The following LTBP3 variants were observed in gnomAD, a reference collection of about 807,000 sequenced individuals.
The protein encoded by LTBP3 is latent-transforming growth factor beta-binding protein 3.
In LTBP3, 97 loss-of-function variants were observed where a neutral mutation model predicts 159.7. That is an observed-to-expected ratio of 0.61 (90% CI 0.52 to 0.72). The LOEUF is 0.72. LTBP3 is among the 30% of genes least tolerant of loss of function. LTBP3 has a pLI of 0.00. For synonymous variants in LTBP3, 824 were observed against 777.1 expected, an observed-to-expected ratio of 1.06 and a Z score of -1.00; for missense variants, 1,584 against 1,864.3, an observed-to-expected ratio of 0.85 and a Z score of 2.77.
At chr11:65,539,514 C>G (rs1187877387) in intron 26 of LTBP3, 34 bp downstream of exon 26, 4 of 1,604,724 alleles carry the variant, frequency 2.5e-6, no homozygotes, top group Non-Finnish European at 3.4e-6. Context: ...CAAAGGCTAC[C>G]AACCCCGCCA....
chr11:65,543,716 G>T, intron 16 of LTBP3, 167 bp from the exon 17 acceptor site: 1 of 848,538 alleles, frequency 1.2e-6, no homozygotes, highest in Non-Finnish European at 1.9e-6. Flanking sequence ...CTGACGACCA[G>T]GTCAGGTGCT....
chr11:65,547,032 C>A lies in LTBP3; in HGVS notation c.2108-112G>T, dbSNP rs1305560111. 9.4e-6 allele frequency: 14 copies of A among 1,487,056 alleles called. No individual in the cohort carries two copies. The highest frequency in any genetic ancestry group is 1.4e-5 in the African/African-American group (1 of 72,496). The allele number at this position is 1,487,056 out of a possible 1,614,324, so 92.1% of individuals were successfully genotyped here. On this transcript the variant is annotated intron_variant, in intron 14 of 27. Transcript: ENST00000301873. The surrounding 1 kb of genome is among the most constrained non-coding windows in gnomAD (Gnocchi z 4.6). ...ACACAGATCAACGAGGCTCCCGGAC[C>A]CCAACCTCTGAGAGGCCCAGAGCCG...
At position 65,548,195 on chromosome 11, in the gene LTBP3, A is replaced by G. The variant is rs1856463760; in HGVS notation, c.1721-150T>C. The G allele has an allele frequency of 8.5e-6, 10 of 1,170,266 alleles. No homozygotes were observed. The South Asian group carries it at 1.3e-4, about 15-fold the overall frequency. 72.5% of individuals were successfully genotyped at this position (1,170,266 alleles called of 1,614,324 possible). A position where few individuals can be genotyped will look rare whatever the true frequency, so the allele number is the denominator to read the frequency against. ...CCAGGATGTCCTATTTCTCTCTTTT[A>G]GATAACCCCAATATCAAGACCCCAG... On this transcript the variant is annotated intron_variant, in intron 11 of 27. Transcript: ENST00000301873.
At chr11:65,556,838 T>C (rs756662908) in intron 1 of LTBP3, among the ~76,000 whole-genome samples, 1 of 152,072 alleles carries the variant, frequency 6.6e-6, no homozygotes, top group Non-Finnish European at 1.5e-5. Flanking sequence ...TAATTACTGC[T>C]GGGACACCTC....
In LTBP3 at chr11:65,540,125, G is replaced by A; in HGVS notation, c.3273C>T (p.Ala1091=). 1 of 1,527,224 alleles carries A rather than the reference G, an allele frequency of 6.5e-7. No individual in the cohort carries two copies. The highest frequency in any genetic ancestry group is 8.8e-7 in the Non-Finnish European group (1 of 1,140,228). 94.6% of individuals were successfully genotyped at this position (1,527,224 alleles called of 1,614,324 possible). A position where few individuals can be genotyped will look rare whatever the true frequency, so the allele number is the denominator to read the frequency against. ...MDVDECQDPA[A]CRPGRCVNLP... Reference sequence around the variant, plus strand: ...GGTTGACGCAGCGGCCAGGGCGGCAGGCTGCCGGGTCCTGGCACTCGTCCA... The same window carrying A: ...GGTTGACGCAGCGGCCAGGGCGGCAAGCTGCCGGGTCCTGGCACTCGTCCA... The change falls in exon 24 of 28, where the codon GCC becomes GCT. Residue 1091 remains alanine, a synonymous_variant. Coordinates refer to ENST00000301873, the MANE Select transcript of LTBP3 (RefSeq NM_001130144.3).
In LTBP3 at chr11:65,548,008, G is replaced by T. The variant is rs1313039161; in HGVS notation, c.1758C>A (p.Gly586=). The change falls in exon 12 of 28, where the codon GGC becomes GGA. Residue 586 remains glycine, a synonymous_variant. Transcript: ENST00000301873. ...DECRLNQNIC[G]HGECVPGPPD... ...GGGGGCCCGGCACGCACTCTCCGTG[G>T]CCACAGATGTTCTGGTTCAGTCGGC... is the stretch of plus-strand genomic sequence containing the variant. The T allele has an allele frequency of 6.2e-7, 1 of 1,613,912 alleles. No homozygotes were observed. The highest frequency in any genetic ancestry group is 1.1e-5 in the South Asian group (1 of 91,080).
chr11:65,543,937 T>A, intron 16 of LTBP3: 1 of 326,406 alleles, frequency 3.1e-6, no homozygotes, highest in Non-Finnish European at 6.1e-6. Context: ...CGGGACACAC[T>A]TTCCTGAGGC....
rs921065694 is a variant in LTBP3, at chr11:65,538,787, G to A, written c.*293C>T. 6 of 814,262 alleles carry A rather than the reference G, an allele frequency of 7.4e-6. No homozygotes were observed. The East Asian group carries it at 1.2e-4, about 16-fold the overall frequency. 50.4% of individuals were successfully genotyped at this position (814,262 alleles called of 1,614,324 possible). On this transcript the variant is annotated 3_prime_UTR_variant, in exon 28 of 28. Coordinates refer to ENST00000301873, the MANE Select transcript of LTBP3 (RefSeq NM_001130144.3). The stretch of plus-strand genomic sequence containing the variant: ...TGCGCAGCCCGCGCCCACGTCAGAC[G>A]TGAACATCAATTTGCTTCGAAAGCC...
rs900042213 is a variant in LTBP3, at chr11:65,543,324, C to T, written c.2477-100G>A. 3 of 1,611,524 alleles carry T rather than the reference C, an allele frequency of 1.9e-6. No individual in the cohort carries two copies. The African/African-American group carries it at 4.0e-5, about 22-fold the overall frequency. ...CCCAGAGCCCTGGGTCAGTCCCACG[C>T]CCCTATGCCCCAACTGAGATCTGGA... On this transcript the variant is annotated intron_variant, in intron 17 of 27. Coordinates refer to ENST00000301873, the MANE Select transcript of LTBP3 (RefSeq NM_001130144.3).
chr11:65,553,871 C>A lies in LTBP3; in HGVS notation c.694G>T (p.Val232Phe). The A allele has an allele frequency of 6.4e-7, 1 of 1,556,904 alleles. No individual in the cohort carries two copies. Among genetic ancestry groups the A allele is most frequent in the Non-Finnish European group, 8.6e-7 (1 of 1,157,942 alleles). ...QAPPPVVNVRVHHPPEASVQV... is the reference protein window; with the variant it reads ...QAPPPVVNVRFHHPPEASVQV... ...ACTGAGGCCTCGGGCGGGTGATGGACGCGCACATTCACCACGGGGGGCGGG... is the reference window on the plus strand; with the variant it reads ...ACTGAGGCCTCGGGCGGGTGATGGAAGCGCACATTCACCACGGGGGGCGGG... The change falls in exon 3 of 28, where the codon GTC becomes TTC. Residue 232 changes from valine (V) to phenylalanine (F), a missense_variant. Val to Phe is a conservative substitution (Grantham distance 50, BLOSUM62 -1). This residue lies in a region of LTBP3 where 194 missense variants were observed against 198.7 expected (regional missense o/e 0.98). Transcript: ENST00000301873. This position sits in a 1 kb window ranked among gnomAD's most constrained non-coding sequence, Gnocchi z 6.5.
rs1267074429 is a variant in LTBP3 at position 65,540,625 on chromosome 11, A to C, written c.2978-11T>G. ...TGCACTCGTCGATGTCTGCGGGGTG[A>C]CAAACACTGGCCGCTCCGGTCCCGC... On this transcript the variant is annotated splice_polypyrimidine_tract_variant and intron_variant, in intron 21 of 27. Coordinates refer to ENST00000301873, the MANE Select transcript of LTBP3 (RefSeq NM_001130144.3). The C allele has an allele frequency of 2.8e-5, 45 of 1,584,116 alleles. No individual in the cohort carries two copies. The highest frequency in any genetic ancestry group is 3.8e-5 in the Non-Finnish European group (44 of 1,162,914).
intron 11 of LTBP3, 92 bp downstream of exon 11, chr11:65,551,034 G>C (rs1856589853): frequency 9.4e-7 from 1 of 1,058,514 alleles, no homozygotes; most frequent in African/African-American, 1.6e-5. Context: ...TAGCCTATTA[G>C]CGCTAGGGAA....
Position 65,538,863 on chromosome 11 carries a change from G to T in LTBP3, c.*217C>A. On this transcript the variant is annotated 3_prime_UTR_variant, in exon 28 of 28. Transcript: ENST00000301873. ...TATCAGTTTCTAGGAAACACCCTCT[G>T]GGAGGAAGGCAGGCAGCGCCCGCCG... The T allele has an allele frequency of 1.1e-6, 1 of 903,200 alleles. No individual in the cohort carries two copies. Among genetic ancestry groups the T allele is most frequent in the Non-Finnish European group, 1.5e-6 (1 of 650,780 alleles). The allele number at this position is 903,200 out of a possible 1,614,324, so 55.9% of individuals were successfully genotyped here.
At position 65,554,420 on chromosome 11, in the gene LTBP3, G is replaced by A; in HGVS notation, c.332-40C>T. 2 of 1,523,352 alleles carry A rather than the reference G, an allele frequency of 1.3e-6. No individual in the cohort carries two copies. The highest frequency in any genetic ancestry group is 1.8e-6 in the Non-Finnish European group (2 of 1,112,892). The allele number at this position is 1,523,352 out of a possible 1,614,324, so 94.4% of individuals were successfully genotyped here. A position where few individuals can be genotyped will look rare whatever the true frequency, so the allele number is the denominator to read the frequency against. On this transcript the variant is annotated intron_variant, in intron 1 of 27. Transcript: ENST00000301873. The surrounding 1 kb of genome is among the most constrained non-coding windows in gnomAD (Gnocchi z 5.3). ...GGGGTCAGGCCCTCACCCACATCCT[G>A]TCTCTTTCCCCTCCTCCCTACTTCC...
At chr11:65,539,960 G>T in intron 24 of LTBP3, 53 bp downstream of exon 24, 1 of 1,456,674 alleles carries the variant, frequency 6.9e-7, no homozygotes, top group African/African-American at 1.5e-5. Context: ...CTGCGCGGGG[G>T]CCACGTGACG....
rs771689053 is a variant in LTBP3 at position 65,539,312 on chromosome 11, C to T, written c.3760+16G>A. On this transcript the variant is annotated intron_variant, in intron 27 of 27. Transcript: ENST00000301873. ...ACCGGCCCCGCCCCTGCCCCCACCC[C>T]CGAAGCCCGGCTCACCCACGCAGCG... is the stretch of plus-strand genomic sequence containing the variant. 1.7e-5 allele frequency: 25 copies of T among 1,510,768 alleles called. No individual in the cohort carries two copies. The highest frequency in any genetic ancestry group is 2.2e-5 in the Non-Finnish European group (25 of 1,125,988). 93.6% of individuals were successfully genotyped at this position (1,510,768 alleles called of 1,614,324 possible). A position where few individuals can be genotyped will look rare whatever the true frequency, so the allele number is the denominator to read the frequency against.
intron 1 of LTBP3, among the ~76,000 whole-genome samples, chr11:65,555,416 C>A (rs999901357): frequency 2.0e-5 from 3 of 151,466 alleles, no homozygotes; most frequent in African/African-American, 4.9e-5. Flanking sequence ...GCCCCAGGTC[C>A]CCCCCCTCTC....
At position 65,546,570 on chromosome 11, in the gene LTBP3, G is replaced by A. The variant is rs772392360; in HGVS notation, c.2231-6C>T. On this transcript the variant is annotated splice_region_variant and splice_polypyrimidine_tract_variant and intron_variant, in intron 15 of 27. Transcript: ENST00000301873. This position sits in a 1 kb window ranked among gnomAD's most constrained non-coding sequence, Gnocchi z 4.0. ...CTCGGCGCACTCGTTCACGTCTGCGGCGGAAAGACCTAGCCTCGGACTCTG... is the reference window on the plus strand; with the variant it reads ...CTCGGCGCACTCGTTCACGTCTGCGACGGAAAGACCTAGCCTCGGACTCTG... 14 of 1,601,936 alleles carry A rather than the reference G, an allele frequency of 8.7e-6. No individual in the cohort carries two copies. Among genetic ancestry groups the A allele is most frequent in the Non-Finnish European group, 1.2e-5 (14 of 1,179,428 alleles).
chr11:65,556,527 T>A (rs1048864011), intron 1 of LTBP3, among the ~76,000 whole-genome samples: 1 of 152,044 alleles, frequency 6.6e-6, no homozygotes, highest in Non-Finnish European at 1.5e-5. Flanking sequence ...AAACTCCATC[T>A]CAAAAACACA....
Sources: gnomAD v4.1 joint callset for allele counts (sites outside exome capture counted in the v4.1 genomes callset) on GRCh38, gnomAD v4.1.1 for gene constraint, gnomAD v4.1.1 regional missense constraint, Gnocchi (gnomAD v3.1) non-coding constraint, MANE v1.5 for transcripts, NCBI Gene and HGNC (gene_info 2026-07-23, HGNC 2026-07-21) for gene names.